The following DNAJC12 variants were observed in gnomAD, a reference collection of about 807,000 sequenced individuals.
DNAJC12 encodes the protein dnaJ homolog subfamily C member 12.
DNAJC12 carries 25 observed loss-of-function variants against 28.5 expected under a neutral mutation model. The observed-to-expected ratio is 0.88, with a 90% confidence interval of 0.64 to 1.22. The LOEUF (loss-of-function observed/expected upper bound fraction) is 1.22, where lower values mean the gene tolerates loss of function less well. Ranked by LOEUF, DNAJC12 falls within the 50% of genes most tolerant of loss-of-function variation. The pLI is 0.00. For synonymous variants in DNAJC12, 77 were observed against 80.6 expected (o/e 0.95, Z 0.24); for missense variants, 222 against 231.7 (o/e 0.96, Z 0.27).
chr10:67,810,067 T>G (rs946992997), intron 3 of DNAJC12, among the ~76,000 whole-genome samples: 3 of 152,136 alleles, frequency 2.0e-5, no homozygotes, highest in African/African-American at 7.2e-5. Flanking sequence ...TTCCTCAGGC[T>G]TAACAGAAAG....
intron 2 of DNAJC12, among the ~76,000 whole-genome samples, chr10:67,812,662 G>A (rs971905154): frequency 2.7e-5 from 4 of 149,726 alleles, no homozygotes; most frequent in Non-Finnish European, 5.9e-5. Context: ...GGCCAAGATG[G>A]TGAAACCCCA....
chr10:67,816,632 G>A (rs921895200), intron 2 of DNAJC12, among the ~76,000 whole-genome samples: 11 of 146,744 alleles, frequency 7.5e-5, no homozygotes, highest in African/African-American at 2.8e-4. Flanking sequence ...TGCAACCACC[G>A]CCTCCTGGGT....
At chr10:67,818,714 T>G (rs2131803231) in intron 2 of DNAJC12, among the ~76,000 whole-genome samples, 1 of 152,156 alleles carries the variant, frequency 6.6e-6, no homozygotes, top group Admixed American at 6.5e-5. Context: ...TGGAGTGCAG[T>G]GGCGCGATCT....
intron 2 of DNAJC12, among the ~76,000 whole-genome samples, chr10:67,818,366 G>T (rs959724751): frequency 6.6e-6 from 1 of 152,140 alleles, no homozygotes; most frequent in Non-Finnish European, 1.5e-5. Context: ...TATATCAAAT[G>T]CATGCCTGCC....
intron 4 of DNAJC12, among the ~76,000 whole-genome samples, chr10:67,804,754 G>A (rs187014090): frequency 6.4e-4 from 97 of 152,280 alleles, no homozygotes; most frequent in African/African-American, 2.2e-3. Context: ...TTATTGGGCC[G>A]GGCATGGTGG....
chr10:67,811,474 T>C (rs1350051746), intron 3 of DNAJC12, 50 bp downstream of exon 3: 1 of 1,611,688 alleles, frequency 6.2e-7, no homozygotes. Flanking sequence ...GTCTAATCCA[T>C]GGGCATCCTG....
At chr10:67,811,224 G>A (rs1385789939) in intron 3 of DNAJC12, 15 of 1,019,666 alleles carry the variant, frequency 1.5e-5, no homozygotes, top group Non-Finnish European at 1.8e-5. Flanking sequence ...AGCAACTTGA[G>A]AAGTACATTT....
chr10:67,805,405 C>T (rs1841789934), intron 4 of DNAJC12, among the ~76,000 whole-genome samples, 178 bp downstream of exon 4: 1 of 152,156 alleles, frequency 6.6e-6, no homozygotes, highest in Non-Finnish European at 1.5e-5. Context: ...CTCAAGGTTT[C>T]CCTTCTGAGG....
At chr10:67,819,765 A>AGGGAGGGAGGGAGGGAGG (rs1315717872) in intron 2 of DNAJC12, among the ~76,000 whole-genome samples, 1 of 19,122 alleles carries the variant, frequency 5.2e-5, no homozygotes, top group African/African-American at 1.7e-4. Flanking sequence ...GAAGGAAGGA[A>AGGGAGGGAGGGAGGGAGG]GGAAGGAAGG....
chr10:67,798,516 C>CA lies in DNAJC12; in HGVS notation c.503-1307dup, dbSNP rs76271858. ...GCAACATGGCAAAATCCCGTCTCTA[C>CA]AAAAAAATACAAAAAATTAGGCGGG... On this transcript the variant is annotated intron_variant, in intron 4 of 4. Transcript: ENST00000225171. 0.031 allele frequency among the ~76,000 whole-genome samples: 4,712 copies of CA among 151,186 alleles called. 487 individuals carry two copies. The East Asian group carries it at 0.39, about 12-fold the overall frequency.
chr10:67,804,496 G>A (rs1297093503), intron 4 of DNAJC12, among the ~76,000 whole-genome samples: 1 of 152,154 alleles, frequency 6.6e-6, no homozygotes, highest in Non-Finnish European at 1.5e-5. Flanking sequence ...GAGTAGCTAG[G>A]ACTACAGGTG....
chr10:67,811,434 C>T (rs1447445398), intron 3 of DNAJC12, 90 bp downstream of exon 3: 8 of 1,561,930 alleles, frequency 5.1e-6, no homozygotes, highest in Middle Eastern at 1.7e-4. Flanking sequence ...TCCCTCCTAT[C>T]GCCTAATGAC....
chr10:67,797,766 C>T (rs537644512), intron 4 of DNAJC12, among the ~76,000 whole-genome samples: 1 of 152,138 alleles, frequency 6.6e-6, no homozygotes, highest in Non-Finnish European at 1.5e-5. Context: ...CTTTGCCAGG[C>T]GCAGTGGCTC....
At chr10:67,804,326 C>A (rs1214423831) in intron 4 of DNAJC12, among the ~76,000 whole-genome samples, 1 of 152,106 alleles carries the variant, frequency 6.6e-6, no homozygotes, top group African/African-American at 2.4e-5. Context: ...CCCATTTAAT[C>A]CTCATGGTAA....
At chr10:67,827,270 C>T (rs1842045960) in intron 1 of DNAJC12, among the ~76,000 whole-genome samples, 1 of 151,616 alleles carries the variant, frequency 6.6e-6, no homozygotes, top group African/African-American at 2.4e-5. Context: ...GCCTGTAATC[C>T]CAGTTACTCA....
At chr10:67,798,965 A>G (rs1364049797) in intron 4 of DNAJC12, among the ~76,000 whole-genome samples, 2 of 151,814 alleles carry the variant, frequency 1.3e-5, no homozygotes, top group Non-Finnish European at 2.9e-5. Context: ...GGGTTTCTCA[A>G]TGTTGGTCAG....
At chr10:67,819,265 G>A (rs1018746502) in intron 2 of DNAJC12, among the ~76,000 whole-genome samples, 4 of 151,136 alleles carry the variant, frequency 2.6e-5, no homozygotes, top group African/African-American at 9.7e-5. Flanking sequence ...CCCGGGAGGC[G>A]GAGCTTGCAG....
At chr10:67,803,541 T>C (rs1411767466) in intron 4 of DNAJC12, among the ~76,000 whole-genome samples, 1 of 152,246 alleles carries the variant, frequency 6.6e-6, no homozygotes, top group Non-Finnish European at 1.5e-5. Flanking sequence ...TCTAAATTAC[T>C]ATTTTTTTAA....
At chr10:67,797,552 T>C (rs968293127) in intron 4 of DNAJC12, among the ~76,000 whole-genome samples, 3 of 152,114 alleles carry the variant, frequency 2.0e-5, no homozygotes, top group Non-Finnish European at 4.4e-5. Flanking sequence ...AAGTTAAAAG[T>C]CAATGGCAAA....
Sources: gnomAD v4.1 joint callset for allele counts (sites outside exome capture counted in the v4.1 genomes callset) on GRCh38, gnomAD v4.1.1 for gene constraint, MANE v1.5 for transcripts, NCBI Gene and HGNC (gene_info 2026-07-23, HGNC 2026-07-21) for gene names.